ZNF827: variants seen among roughly 807,000 people sequenced by gnomAD.
The protein encoded by ZNF827 is zinc finger protein 827.
Under a neutral mutation model 102.4 loss-of-function variants are expected in ZNF827, and 13 were observed. The ratio of observed to expected loss-of-function variants is 0.13; its 90% CI spans 0.08 to 0.20. The LOEUF is 0.20. Among genes scored for constraint, ZNF827 ranks in the 10% least tolerant of loss-of-function variants. The pLI is 1.00. For synonymous variants in ZNF827, 523 were observed against 536.2 expected (o/e 0.98, Z 0.34); for missense variants, 1,103 against 1,344.4 (o/e 0.82, Z 2.81).
intron 8 of ZNF827, among the ~76,000 whole-genome samples, chr4:145,811,736 A>G (rs1472670696): frequency 6.6e-6 from 1 of 152,224 alleles, no homozygotes; most frequent in Non-Finnish European, 1.5e-5. Flanking sequence ...TCTCATACAC[A>G]GTTTACCATA....
chr4:145,910,266 G>T (rs1448476266), intron 1 of ZNF827, among the ~76,000 whole-genome samples: 1 of 152,138 alleles, frequency 6.6e-6, no homozygotes, highest in Non-Finnish European at 1.5e-5. Flanking sequence ...CTCCTCTGCA[G>T]AGTGAGTTCG....
chr4:145,915,391 G>A (rs141903133), intron 1 of ZNF827, among the ~76,000 whole-genome samples: 5 of 152,226 alleles, frequency 3.3e-5, no homozygotes, highest in African/African-American at 1.2e-4. Flanking sequence ...AGGTTGCCAT[G>A]AGCTGAGATG....
chr4:145,816,154 G>T (rs1742575332), intron 8 of ZNF827, among the ~76,000 whole-genome samples: 1 of 152,228 alleles, frequency 6.6e-6, no homozygotes, highest in Admixed American at 6.5e-5. Context: ...ATAGGTGTGG[G>T]CCACCACATT....
At chr4:145,877,298 T>C (rs1289216581) in intron 4 of ZNF827, among the ~76,000 whole-genome samples, 1 of 152,210 alleles carries the variant, frequency 6.6e-6, no homozygotes. Flanking sequence ...TGTGTATGTA[T>C]GTATGTATGA....
At chr4:145,882,275 T>C (rs564498633) in intron 4 of ZNF827, among the ~76,000 whole-genome samples, 137 of 152,222 alleles carry the variant, frequency 9.0e-4, no homozygotes, top group Non-Finnish European at 1.4e-3. Flanking sequence ...CTCTCAGGTC[T>C]GCCTCAGTCT....
intron 1 of ZNF827, among the ~76,000 whole-genome samples, chr4:145,931,012 A>C (rs2126994435): frequency 6.6e-6 from 1 of 152,332 alleles, no homozygotes; most frequent in East Asian, 1.9e-4. Flanking sequence ...GTCCCTGGGG[A>C]ATGACAGGAG....
intron 5 of ZNF827, among the ~76,000 whole-genome samples, chr4:145,864,541 C>T (rs1748012009): frequency 6.6e-6 from 1 of 151,644 alleles, no homozygotes; most frequent in Non-Finnish European, 1.5e-5. Flanking sequence ...TTACAGTGAG[C>T]TATGATCACA....
At chr4:145,930,882 C>G (rs549089187) in intron 1 of ZNF827, among the ~76,000 whole-genome samples, 184 of 152,094 alleles carry the variant, frequency 1.2e-3, no homozygotes, top group African/African-American at 4.3e-3. Context: ...TGCAGTGAAG[C>G]TAACTTTTAA....
chr4:145,934,820 G>C (rs75659228), intron 1 of ZNF827, among the ~76,000 whole-genome samples: 4 of 152,154 alleles, frequency 2.6e-5, no homozygotes, highest in African/African-American at 9.7e-5. Flanking sequence ...ATCCTTAGGG[G>C]GGTGCAGACA....
chr4:145,771,465 AGC>A (rs1736270372), intron 11 of ZNF827, among the ~76,000 whole-genome samples: 1 of 152,256 alleles, frequency 6.6e-6, no homozygotes, highest in Non-Finnish European at 1.5e-5. Context: ...TTTTCCAAAT[AGC>A]CATTCAGATT....
At chr4:145,809,788 T>C (rs1741835258) in intron 8 of ZNF827, among the ~76,000 whole-genome samples, 1 of 152,150 alleles carries the variant, frequency 6.6e-6, no homozygotes, top group Non-Finnish European at 1.5e-5. Flanking sequence ...TATACCCCTA[T>C]GATTTCATCT....
chr4:145,927,394 C>T (rs915420705), intron 1 of ZNF827, among the ~76,000 whole-genome samples: 4 of 152,160 alleles, frequency 2.6e-5, no homozygotes, highest in Non-Finnish European at 4.4e-5. Flanking sequence ...AAAGTATTTT[C>T]ATAAACTTAT....
At chr4:145,843,168 T>TA (rs2126625284) in intron 7 of ZNF827, among the ~76,000 whole-genome samples, 1 of 144,690 alleles carries the variant, frequency 6.9e-6, no homozygotes, top group African/African-American at 2.6e-5. Flanking sequence ...AGGCGAGAGG[T>TA]AAAAAAGAGA....
chr4:145,774,009 T>C (rs1303475066), intron 11 of ZNF827, among the ~76,000 whole-genome samples: 1 of 152,168 alleles, frequency 6.6e-6, no homozygotes, highest in Non-Finnish European at 1.5e-5. Context: ...TCACTGAAAC[T>C]AGTGACTACT....
chr4:145,827,849 T>C (rs1234864352), intron 7 of ZNF827, among the ~76,000 whole-genome samples: 1 of 152,254 alleles, frequency 6.6e-6, no homozygotes, highest in Non-Finnish European at 1.5e-5. Flanking sequence ...CTTTGTCCCA[T>C]GAAAGTTCAT....
At chr4:145,788,908 T>G (rs1426395232) in intron 8 of ZNF827, among the ~76,000 whole-genome samples, 1 of 152,258 alleles carries the variant, frequency 6.6e-6, no homozygotes, top group Non-Finnish European at 1.5e-5. Flanking sequence ...ATTTACTCAA[T>G]GTCTAACAGA....
intron 1 of ZNF827, among the ~76,000 whole-genome samples, chr4:145,927,329 C>CAGAGACAAG (rs1753497435): frequency 6.6e-6 from 1 of 152,154 alleles, no homozygotes; most frequent in Non-Finnish European, 1.5e-5. Context: ...TCAAGGAGCT[C>CAGAGACAAG]AGAGACAAGT....
intron 5 of ZNF827, among the ~76,000 whole-genome samples, chr4:145,850,412 C>G (rs1317241308): frequency 6.6e-6 from 1 of 152,172 alleles, no homozygotes; most frequent in Non-Finnish European, 1.5e-5. Flanking sequence ...ACATTTGCAC[C>G]TTGCTGGAGG....
At position 145,903,184 on chromosome 4, in the gene ZNF827, C is replaced by T; in HGVS notation, c.75G>A (p.Glu25=). ...HVSRQEEAEG[E]LSEGEHWYGN... ...CATACCAGTGTTCTCCTTCACTGAG[C>T]TCTCCCTCCGCCTCTTCCTGCCTAC... Residue 25 remains glutamate, a synonymous_variant, in exon 2 of 15, where the codon GAG becomes GAA. Transcript: ENST00000508784. The T allele has an allele frequency of 1.2e-6, 2 of 1,612,828 alleles. No homozygotes were observed. The highest frequency in any genetic ancestry group is 1.7e-6 in the Non-Finnish European group (2 of 1,179,046).
Sources: allele counts gnomAD v4.1 joint callset (sites outside exome capture counted in the v4.1 genomes callset), GRCh38; gene constraint gnomAD v4.1.1; transcripts MANE v1.5; gene names NCBI Gene and HGNC (gene_info 2026-07-23, HGNC 2026-07-21).